Variants in TTC27 observed in about 807,000 individuals in gnomAD.
TTC27 encodes tetratricopeptide repeat protein 27.
Under a neutral mutation model 115.9 loss-of-function variants are expected in TTC27, and 79 were observed. The observed-to-expected ratio is 0.68, with a 90% CI of 0.57 to 0.82. TTC27 has a LOEUF of 0.82. Among genes scored for constraint, TTC27 ranks in the 40% least tolerant of loss-of-function variants. TTC27 has a pLI of 0.00. For synonymous variants in TTC27, 401 were observed against 356.0 expected (o/e 1.13, Z -1.42); for missense variants, 1,054 against 993.1 (o/e 1.06, Z -0.82).
At chr2:32,796,386 C>A (rs1670702690) in intron 16 of TTC27, among the ~76,000 whole-genome samples, 1 of 152,084 alleles carries the variant, frequency 6.6e-6, no homozygotes, top group Non-Finnish European at 1.5e-5. Flanking sequence ...AAAGTGATGT[C>A]TGGAATTCAG....
chr2:32,719,826 C>A (rs369944460), intron 10 of TTC27, among the ~76,000 whole-genome samples: 2 of 152,044 alleles, frequency 1.3e-5, no homozygotes, highest in East Asian at 1.9e-4. Context: ...CGGAAGCTCC[C>A]CTTGGTATTC....
chr2:32,735,740 A>C (rs1022808965), intron 11 of TTC27, among the ~76,000 whole-genome samples: 1 of 152,200 alleles, frequency 6.6e-6, no homozygotes, highest in Non-Finnish European at 1.5e-5. Context: ...TGCTCACTGC[A>C]TAAGCACCAA....
Position 32,702,790 on chromosome 2 carries a change from C to A in TTC27, c.1120-17C>A. The stretch of plus-strand genomic sequence containing the variant: ...CTTATCTCTTTTCTATGATTTTTTT[C>A]TTCCCGCTTCTATCAGTGTTTGCTT... On this transcript the variant is annotated splice_polypyrimidine_tract_variant and intron_variant, in intron 9 of 19. Coordinates refer to ENST00000317907, the MANE Select transcript of TTC27 (RefSeq NM_017735.5). 6.4e-7 allele frequency: 1 copy of A among 1,556,792 alleles called. No individual in the cohort carries two copies. Among genetic ancestry groups the A allele is most frequent in the South Asian group, 1.1e-5 (1 of 88,572 alleles).
chr2:32,684,584 TC>T, intron 9 of TTC27, among the ~76,000 whole-genome samples: 1 of 152,332 alleles, frequency 6.6e-6, no homozygotes, highest in East Asian at 1.9e-4. Context: ...TTATGTATTT[TC>T]TTTTTCTGCT....
In TTC27 at chr2:32,634,000, A is replaced by G. The variant is rs1030457512; in HGVS notation, c.391A>G (p.Ser131Gly). ...GTCATCTGTTTTGTTCCAGCAATTC[A>G]GTGAGGTATGCTTCTTGAAAATGTT... ...FLSSVLFQQF[S>G]EVKGLDAFVL... Residue 131 changes from serine to glycine, a missense_variant, in exon 3 of 20, where the codon AGT becomes GGT. Physicochemically the swap from Ser to Gly is moderately conservative, Grantham distance 56. Transcript: ENST00000317907. The G allele has an allele frequency of 1.4e-5, 22 of 1,612,832 alleles. No individual in the cohort carries two copies. Among genetic ancestry groups the G allele is most frequent in the Non-Finnish European group, 1.4e-5 (17 of 1,179,438 alleles).
At chr2:32,675,785 CT>C (rs377074857) in intron 8 of TTC27, among the ~76,000 whole-genome samples, 17 of 146,898 alleles carry the variant, frequency 1.2e-4, no homozygotes, top group African/African-American at 1.7e-4. Flanking sequence ...AAGGTGAATT[CT>C]TTTTTTTTTG....
rs776887012 is a variant in TTC27 at position 32,777,877 on chromosome 2, TG to T, written c.1681-4del. 54 of 1,613,976 alleles carry T rather than the reference TG, an allele frequency of 3.3e-5. No homozygotes were observed. In the African/African-American group the frequency reaches 6.1e-4, roughly 18 times the overall value. On this transcript the variant is annotated splice_polypyrimidine_tract_variant and splice_region_variant and intron_variant, in intron 13 of 19. Transcript: ENST00000317907. ...TTGAATGACTTTGACTTTTGGTCTT[TG>T]CAGCTCGGGGTGTGGTTTTCTCTCG...
chr2:32,746,563 C>CAAAAAAAAAA (rs770621313), intron 12 of TTC27, among the ~76,000 whole-genome samples: 477 of 46,030 alleles, frequency 0.01, 43 homozygotes, highest in African/African-American at 0.027. Flanking sequence ...AACTCCATCT[C>CAAAAAAAAAA]AAAAAAAAAA....
Position 32,804,595 on chromosome 2 carries a change from G to T in TTC27, c.1999-6429G>T, listed in dbSNP as rs151074040. Among the ~76,000 whole-genome samples, 59 of 152,064 alleles carry T rather than the reference G, an allele frequency of 3.9e-4. No individual in the cohort carries two copies. The East Asian group carries it at 8.5e-3, about 22-fold the overall frequency. ...AAAAATTCTATAGCCTAATGTTACA[G>T]TGAAAAAGGAAGATAAAACAGTTTA... On this transcript the variant is annotated intron_variant, in intron 16 of 19. Transcript: ENST00000317907.
chr2:32,787,665 T>G (rs1245490063), intron 16 of TTC27, among the ~76,000 whole-genome samples: 1 of 152,182 alleles, frequency 6.6e-6, no homozygotes, highest in Admixed American at 6.5e-5. Context: ...GATTCAAAGC[T>G]GTTGTGTCAT....
chr2:32,640,683 A>G (rs986780363), intron 4 of TTC27, among the ~76,000 whole-genome samples: 1 of 152,126 alleles, frequency 6.6e-6, no homozygotes, highest in Non-Finnish European at 1.5e-5. Flanking sequence ...TTAAATATCG[A>G]TTTAAAAATA....
At chr2:32,648,814 C>T (rs932635514) in intron 4 of TTC27, among the ~76,000 whole-genome samples, 2 of 151,936 alleles carry the variant, frequency 1.3e-5, no homozygotes, top group Non-Finnish European at 2.9e-5. Flanking sequence ...AGTTGGAGAC[C>T]AACCTGGGCA....
intron 4 of TTC27, among the ~76,000 whole-genome samples, chr2:32,649,307 G>C (rs561062447): frequency 1.3e-5 from 2 of 152,252 alleles, no homozygotes; most frequent in Admixed American, 1.3e-4. Flanking sequence ...GGAGGATATA[G>C]AGATGAATAA....
chr2:32,672,821 A>G (rs1265332725), intron 8 of TTC27, among the ~76,000 whole-genome samples: 5 of 152,198 alleles, frequency 3.3e-5, no homozygotes, highest in East Asian at 1.9e-4. Flanking sequence ...GGGCAGGACA[A>G]TACATATAAC....
intron 6 of TTC27, among the ~76,000 whole-genome samples, 198 bp downstream of exon 6, chr2:32,664,665 C>T (rs2151879498): frequency 1.3e-5 from 2 of 152,052 alleles, no homozygotes; most frequent in South Asian, 2.1e-4. Flanking sequence ...TAGAGTTTTC[C>T]ATTTATTGCG....
chr2:32,690,991 G>T (rs994540730), intron 9 of TTC27, among the ~76,000 whole-genome samples: 15 of 152,172 alleles, frequency 9.9e-5, no homozygotes, highest in African/African-American at 3.4e-4. Context: ...AGCTGGCTTT[G>T]ATTTATGTAT....
chr2:32,630,723 C>A (rs1239839294), intron 2 of TTC27, 23 bp downstream of exon 2: 1 of 1,590,732 alleles, frequency 6.3e-7, no homozygotes, highest in South Asian at 1.1e-5. Flanking sequence ...TTGAAATTTT[C>A]ATAGAGGAAC....
At chr2:32,782,915 T>A (rs1185980912) in intron 15 of TTC27, among the ~76,000 whole-genome samples, 3 of 152,300 alleles carry the variant, frequency 2.0e-5, no homozygotes. Flanking sequence ...TTACTTGAAA[T>A]CTTTATTTAT....
chr2:32,685,872 A>G (rs1157598928), intron 9 of TTC27, among the ~76,000 whole-genome samples: 1 of 152,212 alleles, frequency 6.6e-6, no homozygotes, highest in Non-Finnish European at 1.5e-5. Flanking sequence ...GATAAGAAGA[A>G]GATATGAAGA....
Sources: gnomAD v4.1 joint callset for allele counts (sites outside exome capture counted in the v4.1 genomes callset) on GRCh38, gnomAD v4.1.1 for gene constraint, MANE v1.5 for transcripts, NCBI Gene and HGNC (gene_info 2026-07-23, HGNC 2026-07-21) for gene names.